CTNNA1: variants seen among roughly 807,000 people sequenced by gnomAD.
CTNNA1 encodes catenin alpha-1.
In CTNNA1, 37 loss-of-function variants were observed where a neutral mutation model predicts 98.4. The ratio of observed to expected loss-of-function variants is 0.38; its 90% CI spans 0.29 to 0.49. The LOEUF (loss-of-function observed/expected upper bound fraction) is 0.49, where lower values mean the gene tolerates loss of function less well. Among genes scored for constraint, CTNNA1 ranks in the 20% least tolerant of loss-of-function variants. CTNNA1 has a pLI of 0.95. For synonymous variants in CTNNA1, 404 were observed against 413.2 expected (o/e 0.98, Z 0.27); for missense variants, 761 against 1,147.2 (o/e 0.66, Z 4.86).
intron 1 of CTNNA1, among the ~76,000 whole-genome samples, chr5:138,775,419 A>G (rs1753996049): frequency 6.6e-6 from 1 of 152,208 alleles, no homozygotes; most frequent in Non-Finnish European, 1.5e-5. Context: ...CAGCAAATTC[A>G]TCTACCTTCA....
intron 6 of CTNNA1, among the ~76,000 whole-genome samples, chr5:138,826,724 A>C (rs1407044574): frequency 6.6e-6 from 1 of 152,248 alleles, no homozygotes; most frequent in African/African-American, 2.4e-5. Flanking sequence ...GATGAGGCAA[A>C]TAGATGGAAA....
rs113179480 is a variant in CTNNA1, at chr5:138,771,540, AT to A, written c.-2-10373del. On this transcript the variant is annotated intron_variant, in intron 1 of 17. Transcript: ENST00000302763. ...AGGTGTGCACCTCCATGCCCAGCTA[AT>A]TTTTTTTTTCTTTTTAAAAGTTGTT... Among the ~76,000 whole-genome samples, 667 of 149,736 alleles carry A rather than the reference AT, an allele frequency of 4.5e-3. 9 individuals are homozygous for A. Among genetic ancestry groups the A allele is most frequent in the African/African-American group, 0.01 (428 of 40,768 alleles).
At position 138,764,868 on chromosome 5, in the gene CTNNA1, C is replaced by CTTTTT. The variant is rs35354499; in HGVS notation, c.-3+11376_-3+11380dup. 9.8e-3 allele frequency among the ~76,000 whole-genome samples: 836 copies of CTTTTT among 84,900 alleles called. 16 individuals carry two copies. Among genetic ancestry groups the CTTTTT allele is most frequent in the Non-Finnish European group, 0.011 (536 of 47,420 alleles). 55.7% of individuals were successfully genotyped at this position (84,900 alleles called of 152,430 possible). ...AAGCAGTAATTTGCTGTATCTCTCT[C>CTTTTT]TTTTTTTTTTTTTTTTTTTTTTGAG... On this transcript the variant is annotated intron_variant, in intron 1 of 17. Coordinates refer to ENST00000302763, the MANE Select transcript of CTNNA1 (RefSeq NM_001903.5).
chr5:138,786,900 T>G (rs920305229), intron 3 of CTNNA1, among the ~76,000 whole-genome samples: 3 of 152,154 alleles, frequency 2.0e-5, no homozygotes, highest in African/African-American at 4.8e-5. Flanking sequence ...AAAAGAAAAT[T>G]TATACAAACA....
At chr5:138,780,750 A>G (rs1022349949) in intron 1 of CTNNA1, among the ~76,000 whole-genome samples, 9 of 150,538 alleles carry the variant, frequency 6.0e-5, no homozygotes, top group Non-Finnish European at 1.3e-4. Context: ...TCCCGACCTC[A>G]GGTGATCTGC....
intron 7 of CTNNA1, among the ~76,000 whole-genome samples, chr5:138,865,330 CAG>C (rs1284859363): frequency 6.6e-6 from 1 of 152,194 alleles, no homozygotes; most frequent in African/African-American, 2.4e-5. Flanking sequence ...TAGGTCATCA[CAG>C]AGTGCGCAGC....
intron 7 of CTNNA1, chr5:138,875,553 G>T (rs560320011): frequency 1.0e-6 from 1 of 985,376 alleles, no homozygotes; most frequent in African/African-American, 1.7e-5. Context: ...GGAAGCAGCA[G>T]TGAGGTTGTA....
chr5:138,776,773 CG>C (rs1754273813), intron 1 of CTNNA1, among the ~76,000 whole-genome samples: 1 of 148,946 alleles, frequency 6.7e-6, no homozygotes, highest in Non-Finnish European at 1.5e-5. Flanking sequence ...CCTCACCTCC[CG>C]GACGGGGCGG....
At position 138,934,027 on chromosome 5, in the gene CTNNA1, CAGA is replaced by C; in HGVS notation, c.2665_2667del (p.Lys889del). ...ACAGACCAAGATTAAACGGGCATCT[CAGA>C]AGAAGCACGTGAACCCGGTGCAGGC... On this transcript the variant is annotated inframe_deletion, in exon 18 of 18. Transcript: ENST00000302763. 6.2e-7 allele frequency: 1 copy of C among 1,613,966 alleles called. No individual in the cohort carries two copies. The highest frequency in any genetic ancestry group is 8.5e-7 in the Non-Finnish European group (1 of 1,179,978).
At chr5:138,770,693 C>A (rs561069843) in intron 1 of CTNNA1, among the ~76,000 whole-genome samples, 23 of 152,270 alleles carry the variant, frequency 1.5e-4, no homozygotes, top group Non-Finnish European at 2.9e-4. Flanking sequence ...TGGCTCATGC[C>A]TTTAATCCCA....
At chr5:138,861,881 A>G (rs1358737040) in intron 7 of CTNNA1, among the ~76,000 whole-genome samples, 1 of 152,168 alleles carries the variant, frequency 6.6e-6, no homozygotes, top group Non-Finnish European at 1.5e-5. Flanking sequence ...ATAGGCACTT[A>G]GTTTTGTGGA....
intron 8 of CTNNA1, 85 bp from the exon 9 acceptor site, chr5:138,887,405 T>C: frequency 1.0e-6 from 1 of 983,598 alleles, no homozygotes; most frequent in South Asian, 1.7e-5. Flanking sequence ...CTTCATTAGA[T>C]TTAAGTGTAC....
chr5:138,783,942 T>A (rs957430878), intron 3 of CTNNA1, among the ~76,000 whole-genome samples: 1 of 152,244 alleles, frequency 6.6e-6, no homozygotes, highest in African/African-American at 2.4e-5. Context: ...TTTGGGAAAT[T>A]CAGAATTGAT....
At position 138,875,538 on chromosome 5, in the gene CTNNA1, G is replaced by A; in HGVS notation, c.1063-10674G>A. Reference sequence around the variant, plus strand: ...GACTTAAAAACATGATATTCCTTCAGTGTAGGAAGCAGCAGTGAGGTTGTA... The same window carrying A: ...GACTTAAAAACATGATATTCCTTCAATGTAGGAAGCAGCAGTGAGGTTGTA... On this transcript the variant is annotated intron_variant, in intron 7 of 17. Transcript: ENST00000302763. 4 of 985,496 alleles carry A rather than the reference G, an allele frequency of 4.1e-6. No individual in the cohort carries two copies. The South Asian group carries it at 1.9e-4, about 46-fold the overall frequency. The allele number at this position is 985,496 out of a possible 1,614,324, so 61.0% of individuals were successfully genotyped here.
At chr5:138,932,294 C>T (rs1765530579) in intron 16 of CTNNA1, 2 of 1,199,266 alleles carry the variant, frequency 1.7e-6, no homozygotes, top group South Asian at 5.6e-5. Context: ...TCCCCGCCGT[C>T]ATAGGAGGGA....
intron 17 of CTNNA1, among the ~76,000 whole-genome samples, 192 bp from the exon 18 acceptor site, chr5:138,933,610 C>G (rs1355825613): frequency 1.3e-5 from 2 of 152,176 alleles, no homozygotes; most frequent in Non-Finnish European, 2.9e-5. Flanking sequence ...AGGGCAGGCG[C>G]TTCCAGGCTA....
At chr5:138,780,976 A>G (rs1361299835) in intron 1 of CTNNA1, among the ~76,000 whole-genome samples, 4 of 152,110 alleles carry the variant, frequency 2.6e-5, no homozygotes, top group Non-Finnish European at 5.9e-5. Context: ...TTTTCTCCCT[A>G]TTCTTAAAGC....
intron 7 of CTNNA1, 175 bp downstream of exon 7, chr5:138,827,893 C>A: frequency 1.5e-6 from 1 of 675,692 alleles, no homozygotes. Flanking sequence ...GCTCTTTCCT[C>A]TCTCCAGCTT....
intron 10 of CTNNA1, among the ~76,000 whole-genome samples, chr5:138,913,756 A>G (rs1271098818): frequency 6.6e-6 from 1 of 152,232 alleles, no homozygotes; most frequent in East Asian, 1.9e-4. Context: ...GACAGTAAGT[A>G]TTCCAATTAA....
Sources: allele counts gnomAD v4.1 joint callset (sites outside exome capture counted in the v4.1 genomes callset), GRCh38; gene constraint gnomAD v4.1.1; transcripts MANE v1.5; gene names NCBI Gene and HGNC (gene_info 2026-07-23, HGNC 2026-07-21).